Variants in FHIT observed in about 807,000 individuals in gnomAD.
FHIT encodes the protein bis(5'-adenosyl)-triphosphatase.
In FHIT, 19 loss-of-function variants were observed where a neutral mutation model predicts 17.9. The observed-to-expected ratio is 1.06, with a 90% CI of 0.74 to 1.56. The LOEUF (loss-of-function observed/expected upper bound fraction) is 1.56. FHIT is among the 40% of genes most tolerant of loss of function. FHIT has a pLI of 0.00. For synonymous variants in FHIT, 81 were observed against 69.7 expected, an observed-to-expected ratio of 1.16 and a Z score of -0.81; for missense variants, 248 against 189.2, an observed-to-expected ratio of 1.31 and a Z score of -1.82.
intron 5 of FHIT, among the ~76,000 whole-genome samples, chr3:60,213,301 CT>C (rs1348775023): frequency 6.6e-6 from 1 of 152,154 alleles, no homozygotes; most frequent in African/African-American, 2.4e-5. Context: ...GCCTCATATT[CT>C]TCTTCCATGA....
At chr3:60,187,071 G>C (rs1361059653) in intron 5 of FHIT, among the ~76,000 whole-genome samples, 1 of 152,092 alleles carries the variant, frequency 6.6e-6, no homozygotes, top group Non-Finnish European at 1.5e-5. Context: ...ACCAAGACAA[G>C]GTCAAAGCAA....
intron 4 of FHIT, among the ~76,000 whole-genome samples, chr3:60,661,628 C>T (rs373308458): frequency 3.9e-5 from 6 of 152,168 alleles, no homozygotes; most frequent in African/African-American, 7.2e-5. Context: ...GGAATCTCCA[C>T]GCTGTTTTCC....
intron 5 of FHIT, among the ~76,000 whole-genome samples, chr3:60,124,009 T>TATAGAGAGAGAGAG (rs1384962194): frequency 8.2e-5 from 1 of 12,152 alleles, no homozygotes; most frequent in Non-Finnish European, 1.5e-4. Flanking sequence ...TATATATATA[T>TATAGAGAGAGAGAG]AGAGAGAGAG....
intron 4 of FHIT, among the ~76,000 whole-genome samples, chr3:60,788,453 A>ATATGTG (rs1553727556): frequency 6.6e-6 from 1 of 152,230 alleles, no homozygotes; most frequent in Admixed American, 6.5e-5. Context: ...CATAGAATGT[A>ATATGTG]TATGTGTATA....
At chr3:60,913,101 T>A (rs868963632) in intron 3 of FHIT, among the ~76,000 whole-genome samples, 4 of 152,350 alleles carry the variant, frequency 2.6e-5, no homozygotes, top group African/African-American at 9.6e-5. Flanking sequence ...AAAGCATCCA[T>A]GTTGGTTAAA....
intron 4 of FHIT, among the ~76,000 whole-genome samples, chr3:60,742,392 A>G (rs1553714096): frequency 6.6e-6 from 1 of 152,200 alleles, no homozygotes; most frequent in Non-Finnish European, 1.5e-5. Context: ...GCAGGGGAAG[A>G]GCATGTTCAG....
chr3:60,122,727 T>G (rs533851728), intron 5 of FHIT, among the ~76,000 whole-genome samples: 6 of 152,092 alleles, frequency 3.9e-5, no homozygotes, highest in Non-Finnish European at 5.9e-5. Context: ...AGACCCACAG[T>G]GAAGTCTAGA....
intron 4 of FHIT, among the ~76,000 whole-genome samples, chr3:60,603,210 T>A (rs555193448): frequency 6.6e-6 from 1 of 152,322 alleles, no homozygotes; most frequent in Non-Finnish European, 1.5e-5. Flanking sequence ...GTTTTTATAT[T>A]TTTTCTTAAC....
intron 5 of FHIT, among the ~76,000 whole-genome samples, chr3:60,286,319 A>C (rs529555096): frequency 1.1e-4 from 17 of 152,350 alleles, no homozygotes; most frequent in African/African-American, 4.1e-4. Context: ...GGAATAAATT[A>C]GAGTCATTAG....
At position 60,120,688 on chromosome 3, in the gene FHIT, T is replaced by C. The variant is rs553135181; in HGVS notation, c.104-106536A>G. 5.3e-5 allele frequency among the ~76,000 whole-genome samples: 8 copies of C among 152,274 alleles called. No individual in the cohort carries two copies. The East Asian group carries it at 1.2e-3, about 22-fold the overall frequency. On this transcript the variant is annotated intron_variant, in intron 5 of 9. Coordinates refer to ENST00000492590, the MANE Select transcript of FHIT (RefSeq NM_002012.4). The stretch of plus-strand genomic sequence containing the variant: ...GCCTATTTTAAAATATTCAATATCA[T>C]CTTCAGCAATAGGCAAGTTTTGGAA...
chr3:60,599,523 C>T (rs1405036404), intron 4 of FHIT, among the ~76,000 whole-genome samples: 4 of 151,982 alleles, frequency 2.6e-5, no homozygotes, highest in East Asian at 1.9e-4. Flanking sequence ...AAGTCGGAGT[C>T]AAATATCAGA....
At chr3:61,189,365 C>A (rs57399901) in intron 2 of FHIT, among the ~76,000 whole-genome samples, 33,726 of 151,928 alleles carry the variant, frequency 0.22, 4,836 homozygotes, top group East Asian at 0.71. Flanking sequence ...ACCTAGGAAT[C>A]CAACTTACAA....
At chr3:60,165,292 G>T (rs1374285958) in intron 5 of FHIT, among the ~76,000 whole-genome samples, 1 of 152,180 alleles carries the variant, frequency 6.6e-6, no homozygotes, top group African/African-American at 2.4e-5. Context: ...CATTCACCCT[G>T]TTGTTTCCAT....
chr3:60,610,426 G>A (rs142695154), intron 4 of FHIT, among the ~76,000 whole-genome samples: 1 of 152,264 alleles, frequency 6.6e-6, no homozygotes, highest in East Asian at 1.9e-4. Context: ...CACCCTGAAT[G>A]TAGTTTCATG....
At chr3:60,282,308 A>C (rs1026998479) in intron 5 of FHIT, among the ~76,000 whole-genome samples, 33 of 152,118 alleles carry the variant, frequency 2.2e-4, no homozygotes, top group Admixed American at 2.0e-3. Context: ...ACTAGTCTAC[A>C]ATTTTTTCTT....
chr3:61,025,376 G>A (rs980069491), intron 3 of FHIT, among the ~76,000 whole-genome samples: 2 of 152,194 alleles, frequency 1.3e-5, no homozygotes, highest in African/African-American at 4.8e-5. Flanking sequence ...GTGACCAAAT[G>A]TCACTCTATA....
chr3:60,970,841 CTT>C (rs966521526), intron 3 of FHIT, among the ~76,000 whole-genome samples: 1 of 152,058 alleles, frequency 6.6e-6, no homozygotes, highest in African/African-American at 2.4e-5. Flanking sequence ...CAAAAATAGA[CTT>C]AATAATCTAA....
chr3:60,449,014 G>A (rs1183103383), intron 5 of FHIT, among the ~76,000 whole-genome samples: 1 of 152,112 alleles, frequency 6.6e-6, no homozygotes, highest in Non-Finnish European at 1.5e-5. Context: ...TTTTCCACAA[G>A]TTTCTAAGCT....
intron 3 of FHIT, among the ~76,000 whole-genome samples, chr3:61,021,370 C>T (rs1252206287): frequency 2.6e-5 from 4 of 151,176 alleles, no homozygotes; most frequent in Middle Eastern, 3.4e-3. Context: ...GAGGCCGAGG[C>T]GGGCGGATCA....
Sources: allele counts gnomAD v4.1 joint callset (sites outside exome capture counted in the v4.1 genomes callset), GRCh38; gene constraint gnomAD v4.1.1; transcripts MANE v1.5; gene names NCBI Gene and HGNC (gene_info 2026-07-23, HGNC 2026-07-21).